Variants in OPRM1 observed in about 807,000 individuals in gnomAD.
The protein encoded by OPRM1 is opioid receptor mu 1.
A neutral mutation model predicts 31.8 loss-of-function variants in OPRM1; 27 were observed. The observed-to-expected ratio is 0.85, with a 90% confidence interval of 0.63 to 1.17. The LOEUF is 1.17. Ranked by LOEUF, OPRM1 falls within the 50% of genes most tolerant of loss-of-function variation. The pLI, the probability that OPRM1 is intolerant of heterozygous loss-of-function variation, is 0.00. For synonymous variants in OPRM1, 196 were observed against 189.9 expected (o/e 1.03, Z -0.26); for missense variants, 536 against 511.1 (o/e 1.05, Z -0.47).
At chr6:154,107,620 G>A (rs1290006457) in intron 3 of OPRM1, 2 of 718,472 alleles carry the variant, frequency 2.8e-6, no homozygotes, top group Non-Finnish European at 5.2e-6. Flanking sequence ...TTTTAGAGCT[G>A]ACTATGACAT....
intron 3 of OPRM1, among the ~76,000 whole-genome samples, chr6:154,113,970 G>C (rs1562485205): frequency 6.6e-6 from 1 of 152,118 alleles, no homozygotes; most frequent in South Asian, 2.1e-4. Context: ...GGATGCCAAG[G>C]GGTACCTCCA....
rs115792269 is a variant in OPRM1, at chr6:154,126,682, A to G, written c.*7961A>G. Among the ~76,000 whole-genome samples the G allele has an allele frequency of 9.0e-3, 1,368 of 152,184 alleles. 23 individuals are homozygous for G. The highest frequency in any genetic ancestry group is 0.031 in the African/African-American group (1,295 of 41,494). Reference sequence around the variant, plus strand: ...CATCTGCAGGGTAGATTTGGCTTCCATGGTTGTTCACTGCTCTGTGTTAGG... The same window carrying G: ...CATCTGCAGGGTAGATTTGGCTTCCGTGGTTGTTCACTGCTCTGTGTTAGG... On this transcript the variant is annotated 3_prime_UTR_variant, in exon 4 of 4. Transcript: ENST00000330432.
chr6:154,161,230 T>G (rs1383064181), intron 3 of OPRM1, among the ~76,000 whole-genome samples: 9 of 150,636 alleles, frequency 6.0e-5, no homozygotes, highest in Non-Finnish European at 1.2e-4. Flanking sequence ...TTTTTTTTTT[T>G]GAGACAGAGT....
intron 3 of OPRM1, among the ~76,000 whole-genome samples, chr6:154,096,276 C>T (rs149710517): frequency 6.6e-6 from 1 of 152,082 alleles, no homozygotes; most frequent in East Asian, 1.9e-4. Flanking sequence ...GTCAGGCTGG[C>T]CTCAAACTCT....
chr6:154,189,671 T>C (rs763231873), intron 3 of OPRM1, among the ~76,000 whole-genome samples: 3 of 152,192 alleles, frequency 2.0e-5, no homozygotes, highest in Non-Finnish European at 4.4e-5. Flanking sequence ...TATTCATGCA[T>C]TGAAACATCA....
rs1304494822 is a variant in OPRM1, at chr6:154,125,123, A to G, written c.*6402A>G. On this transcript the variant is annotated 3_prime_UTR_variant, in exon 4 of 4. Coordinates refer to ENST00000330432, the MANE Select transcript of OPRM1 (RefSeq NM_000914.5). ...TTTTTGTTAGTGTAAAAATTGCCCAATATTAACCAGAGCAGCCCAAAATAT... is the reference window on the plus strand; with the variant it reads ...TTTTTGTTAGTGTAAAAATTGCCCAGTATTAACCAGAGCAGCCCAAAATAT... Among the ~76,000 whole-genome samples, 1 of 152,206 alleles carries G rather than the reference A, an allele frequency of 6.6e-6. No individual in the cohort carries two copies.
intron 3 of OPRM1, among the ~76,000 whole-genome samples, chr6:154,100,158 C>CATATAATATATATTATCATATTAT (rs753395267): frequency 1.0e-4 from 2 of 19,186 alleles, no homozygotes; most frequent in African/African-American, 3.3e-4. Flanking sequence ...CATATTATGA[C>CATATAATATATATTATCATATTAT]GTATCATAAT....
intron 3 of OPRM1, among the ~76,000 whole-genome samples, chr6:154,199,120 G>A (rs1204183771): frequency 1.3e-5 from 2 of 152,222 alleles, no homozygotes; most frequent in Non-Finnish European, 2.9e-5. Context: ...CTGAACGCAT[G>A]AGTTGTGCTC....
At chr6:154,085,304 C>T (rs961568544) in intron 1 of OPRM1, among the ~76,000 whole-genome samples, 3 of 152,148 alleles carry the variant, frequency 2.0e-5, no homozygotes, top group African/African-American at 7.2e-5. Context: ...CCTCACAATG[C>T]CTTTTCCCCA....
chr6:154,207,568 G>GT (rs67463270), intron 3 of OPRM1, among the ~76,000 whole-genome samples: 11,962 of 143,682 alleles, frequency 0.083, 913 homozygotes, highest in East Asian at 0.39. Context: ...GGTTTTTTTT[G>GT]TTTTTTTGTT....
chr6:154,235,158 G>A (rs552269502), intron 3 of OPRM1, among the ~76,000 whole-genome samples: 95 of 152,314 alleles, frequency 6.2e-4, no homozygotes, highest in Non-Finnish European at 1.1e-3. Context: ...GTTATTACAC[G>A]AGTTGGGAGA....
At chr6:154,061,829 A>G (rs1249617869) in intron 1 of OPRM1, among the ~76,000 whole-genome samples, 1 of 104,838 alleles carries the variant, frequency 9.5e-6, no homozygotes, top group Non-Finnish European at 2.2e-5. Context: ...TAATAGTTGG[A>G]AAAAAAAAAG....
chr6:154,186,595 C>G (rs992392982), intron 3 of OPRM1, among the ~76,000 whole-genome samples: 1 of 151,498 alleles, frequency 6.6e-6, no homozygotes, highest in Non-Finnish European at 1.5e-5. Context: ...CTCGCTTTGT[C>G]GCCCAGGCTG....
chr6:154,173,479 G>T (rs189752471), intron 3 of OPRM1, among the ~76,000 whole-genome samples: 58 of 152,248 alleles, frequency 3.8e-4, no homozygotes, highest in African/African-American at 1.3e-3. Flanking sequence ...GAGTTTAAAT[G>T]ATCTTTTGGT....
chr6:154,028,683 C>T (rs934071616), intron 1 of OPRM1, among the ~76,000 whole-genome samples: 3 of 152,290 alleles, frequency 2.0e-5, no homozygotes, highest in Admixed American at 6.5e-5. Flanking sequence ...TAAATGCTCC[C>T]TCCATGGGCA....
intron 1 of OPRM1, among the ~76,000 whole-genome samples, chr6:154,057,295 A>C: frequency 6.6e-6 from 1 of 152,238 alleles, no homozygotes; most frequent in East Asian, 1.9e-4. Context: ...ATCAGTGAGC[A>C]AAATAGACAC....
At chr6:154,104,348 G>A (rs953896742) in intron 3 of OPRM1, among the ~76,000 whole-genome samples, 4 of 152,164 alleles carry the variant, frequency 2.6e-5, no homozygotes, top group African/African-American at 7.2e-5. Flanking sequence ...AAAGAGTAAA[G>A]CAAAACAAAT....
chr6:154,183,390 T>C (rs924339842), intron 3 of OPRM1, among the ~76,000 whole-genome samples: 2 of 152,246 alleles, frequency 1.3e-5, no homozygotes, highest in African/African-American at 2.4e-5. Context: ...ACCATATTCA[T>C]GGATGACTTA....
At chr6:154,027,645 T>C (rs537426477) in intron 1 of OPRM1, among the ~76,000 whole-genome samples, 1 of 152,338 alleles carries the variant, frequency 6.6e-6, no homozygotes, top group Admixed American at 6.5e-5. Context: ...CTTAGAACTC[T>C]ATCTGGTATT....
Sources: allele counts gnomAD v4.1 joint callset (sites outside exome capture counted in the v4.1 genomes callset), GRCh38; gene constraint gnomAD v4.1.1; transcripts MANE v1.5; gene names NCBI Gene and HGNC (gene_info 2026-07-23, HGNC 2026-07-21).